The following CLSTN1 variants were observed in gnomAD, a reference collection of about 807,000 sequenced individuals.
CLSTN1 encodes the protein calsyntenin 1.
CLSTN1 carries 28 observed loss-of-function variants against 108.3 expected under a neutral mutation model. That is an observed-to-expected ratio of 0.26 (90% CI 0.19 to 0.35). The LOEUF is 0.35. Among genes scored for constraint, CLSTN1 ranks in the 10% least tolerant of loss-of-function variants. The probability of loss-of-function intolerance (pLI) is 1.00; values close to 1 mark genes in which losing one functional copy is unlikely to be tolerated. For missense variants in CLSTN1, 1,157 were observed against 1,302.6 expected, an observed-to-expected ratio of 0.89 and a Z score of 1.72; for synonymous variants, 524 against 534.9, an observed-to-expected ratio of 0.98 and a Z score of 0.28.
At chr1:9,796,291 A>G (rs1392733473) in intron 1 of CLSTN1, among the ~76,000 whole-genome samples, 1 of 145,918 alleles carries the variant, frequency 6.9e-6, no homozygotes, top group Non-Finnish European at 1.5e-5. Context: ...AAAACAAAAC[A>G]AAACAAAAAA....
intron 1 of CLSTN1, among the ~76,000 whole-genome samples, chr1:9,776,172 C>T (rs113641964): frequency 0.24 from 35,954 of 151,886 alleles, 7,472 homozygotes; most frequent in African/African-American, 0.56. Flanking sequence ...TTTCACCATG[C>T]TGGCCAGGCT....
intron 2 of CLSTN1, among the ~76,000 whole-genome samples, chr1:9,769,715 C>T (rs1652572467): frequency 6.6e-6 from 1 of 152,080 alleles, no homozygotes; most frequent in African/African-American, 2.4e-5. Flanking sequence ...GTTTTTGGAA[C>T]ATTCTAAAAC....
chr1:9,750,988 C>T (rs1010435417), intron 5 of CLSTN1, among the ~76,000 whole-genome samples: 3 of 151,914 alleles, frequency 2.0e-5, no homozygotes, highest in African/African-American at 4.8e-5. Flanking sequence ...TCACTTGAAC[C>T]CGGGAGGCAG....
chr1:9,791,091 G>A (rs1188179140), intron 1 of CLSTN1, among the ~76,000 whole-genome samples: 2 of 145,256 alleles, frequency 1.4e-5, no homozygotes, highest in Admixed American at 7.2e-5. Flanking sequence ...GCAGTGAGCC[G>A]AGATCGCACC....
intron 1 of CLSTN1, among the ~76,000 whole-genome samples, chr1:9,785,334 AT>A (rs1195857269): frequency 2.0e-3 from 290 of 146,820 alleles, no homozygotes; most frequent in African/African-American, 5.9e-3. Flanking sequence ...AATTACTCTT[AT>A]TTTTTTTTTT....
Position 9,734,935 on chromosome 1 carries a change from C to G in CLSTN1, c.2110+13G>C, listed in dbSNP as rs1650602784. ...CCGAGGCGAGGGAGCCCGCGCCCCACAGAGCACATTACCTGTGGGGTCCTC... is the reference window on the plus strand; with the variant it reads ...CCGAGGCGAGGGAGCCCGCGCCCCAGAGAGCACATTACCTGTGGGGTCCTC... On this transcript the variant is annotated intron_variant, in intron 14 of 18. Transcript: ENST00000377298. This position sits in a 1 kb window ranked among gnomAD's most constrained non-coding sequence, Gnocchi z 4.8. 1 of 1,611,894 alleles carries G rather than the reference C, an allele frequency of 6.2e-7. No homozygotes were observed. The highest frequency in any genetic ancestry group is 8.5e-7 in the Non-Finnish European group (1 of 1,178,060).
intron 2 of CLSTN1, among the ~76,000 whole-genome samples, chr1:9,763,063 G>A (rs900188864): frequency 2.0e-5 from 3 of 152,054 alleles, no homozygotes; most frequent in Non-Finnish European, 4.4e-5. Flanking sequence ...CTGCGTTCAA[G>A]TGATTCCTGT....
At chr1:9,801,045 G>C (rs972936718) in intron 1 of CLSTN1, among the ~76,000 whole-genome samples, 6 of 151,810 alleles carry the variant, frequency 4.0e-5, no homozygotes, top group African/African-American at 1.5e-4. Context: ...TCAGGAGTTC[G>C]AGACCACCCT....
chr1:9,741,683 G>A (rs1301699892), intron 9 of CLSTN1, among the ~76,000 whole-genome samples: 4 of 152,196 alleles, frequency 2.6e-5, no homozygotes, highest in East Asian at 3.9e-4. Flanking sequence ...AGGCCAAGGC[G>A]AGGAGATCAC....
At chr1:9,818,879 C>A (rs1457095440) in intron 1 of CLSTN1, among the ~76,000 whole-genome samples, 1 of 149,982 alleles carries the variant, frequency 6.7e-6, no homozygotes, top group African/African-American at 2.5e-5. Context: ...CTCCACCTCC[C>A]GGGTTCACGC....
Position 9,730,128 on chromosome 1 carries a change from G to A in CLSTN1, c.*380C>T. The A allele has an allele frequency of 3.6e-6, 1 of 280,084 alleles. No homozygotes were observed. Among genetic ancestry groups the A allele is most frequent in the Non-Finnish European group, 6.8e-6 (1 of 146,626 alleles). The allele number at this position is 280,084 out of a possible 1,614,324, so 17.3% of individuals were successfully genotyped here. ...AAAAAAAGAAAAAAATGATTACCGG[G>A]TGGGAGTGAGCATGTTTTACCCTTT... On this transcript the variant is annotated 3_prime_UTR_variant, in exon 19 of 19. Coordinates refer to ENST00000377298, the MANE Select transcript of CLSTN1 (RefSeq NM_001009566.3). The surrounding 1 kb of genome is among the most constrained non-coding windows in gnomAD (Gnocchi z 5.6).
At chr1:9,815,547 T>C (rs913365136) in intron 1 of CLSTN1, among the ~76,000 whole-genome samples, 1 of 152,242 alleles carries the variant, frequency 6.6e-6, no homozygotes, top group African/African-American at 2.4e-5. Context: ...AAATGTGTAT[T>C]TGATTCGAAA....
intron 2 of CLSTN1, among the ~76,000 whole-genome samples, chr1:9,769,950 A>G (rs1652586089): frequency 6.6e-6 from 1 of 151,710 alleles, no homozygotes; most frequent in Non-Finnish European, 1.5e-5. Flanking sequence ...GAATGGCGTG[A>G]ACCCGGGAGG....
At position 9,744,469 on chromosome 1, in the gene CLSTN1, G is replaced by T; in HGVS notation, c.1160C>A (p.Thr387Asn). Residue 387 changes from threonine (T) to asparagine (N), a missense_variant, in exon 8 of 19, where the codon ACC becomes AAC. Physicochemically the swap from Thr to Asn is moderately conservative, Grantham distance 65. Coordinates refer to ENST00000377298, the MANE Select transcript of CLSTN1 (RefSeq NM_001009566.3). The part of the protein sequence containing the change: ...VVSVSPKEPF[T>N]ISVWMRHGPF... ...CCCATGTCTCATCCACACCGAGATG[G>T]TGAACGGCTCTTTGGGGCTGACCGA... The T allele has an allele frequency of 1.2e-6, 2 of 1,611,252 alleles. No homozygotes were observed. The highest frequency in any genetic ancestry group is 2.2e-5 in the East Asian group (1 of 44,858).
At chr1:9,792,826 G>A (rs560581864) in intron 1 of CLSTN1, among the ~76,000 whole-genome samples, 22 of 151,326 alleles carry the variant, frequency 1.5e-4, no homozygotes, top group African/African-American at 4.8e-4. Context: ...CTCAAGCTCC[G>A]TACCCTCAGG....
Position 9,823,528 on chromosome 1 carries a change from G to A in CLSTN1, c.91+115C>T. 1 of 573,984 alleles carries A rather than the reference G, an allele frequency of 1.7e-6. No homozygotes were observed. The highest frequency in any genetic ancestry group is 2.3e-6 in the Non-Finnish European group (1 of 437,310). The allele number at this position is 573,984 out of a possible 1,614,324, so 35.6% of individuals were successfully genotyped here. A position where few individuals can be genotyped will look rare whatever the true frequency, so the allele number is the denominator to read the frequency against. On this transcript the variant is annotated intron_variant, in intron 1 of 18. Transcript: ENST00000377298. This position sits in a 1 kb window ranked among gnomAD's most constrained non-coding sequence, Gnocchi z 6.3. ...CTCCCCGCATCCCGGCTCGAATCCC[G>A]GCATCCGGCCCTACTCCCGCACCCG...
chr1:9,751,819 A>C (rs1441888070), intron 4 of CLSTN1, 138 bp from the exon 5 acceptor site: 2 of 697,006 alleles, frequency 2.9e-6, no homozygotes, highest in Non-Finnish European at 4.8e-6. Flanking sequence ...CATGAAATTC[A>C]TATGATGAAG....
intron 2 of CLSTN1, among the ~76,000 whole-genome samples, chr1:9,761,271 T>A (rs1557702635): frequency 6.6e-6 from 1 of 152,064 alleles, no homozygotes; most frequent in African/African-American, 2.4e-5. Context: ...GGTGGGTGGA[T>A]CACCTGAGGT....
chr1:9,785,078 G>A (rs1177251889), intron 1 of CLSTN1, among the ~76,000 whole-genome samples: 1 of 149,904 alleles, frequency 6.7e-6, no homozygotes, highest in African/African-American at 2.5e-5. Context: ...ACCACTCCCA[G>A]CTAATTTTTG....
Sources: gnomAD v4.1 joint callset for allele counts (sites outside exome capture counted in the v4.1 genomes callset) on GRCh38, gnomAD v4.1.1 for gene constraint, Gnocchi (gnomAD v3.1) non-coding constraint, MANE v1.5 for transcripts, NCBI Gene and HGNC (gene_info 2026-07-23, HGNC 2026-07-21) for gene names.